The following SDK1 variants were observed in gnomAD, a reference collection of about 807,000 sequenced individuals.
SDK1 encodes the protein protein sidekick-1.
Under a neutral mutation model 245.5 loss-of-function variants are expected in SDK1, and 157 were observed. That is an observed-to-expected ratio of 0.64 (90% CI 0.56 to 0.73). The LOEUF (loss-of-function observed/expected upper bound fraction) is 0.73, where lower values mean the gene tolerates loss of function less well. SDK1 is among the 30% of genes least tolerant of loss of function. The probability of loss-of-function intolerance (pLI) is 0.00; values close to 1 mark genes in which losing one functional copy is unlikely to be tolerated. For synonymous variants in SDK1, 1,647 were observed against 1,278.5 expected, an observed-to-expected ratio of 1.29 and a Z score of -6.15; for missense variants, 3,583 against 3,002.3, an observed-to-expected ratio of 1.19 and a Z score of -4.52.
At chr7:3,612,064 G>A (rs1270993406) in intron 1 of SDK1, among the ~76,000 whole-genome samples, 1 of 152,112 alleles carries the variant, frequency 6.6e-6, no homozygotes, top group East Asian at 1.9e-4. Context: ...GCCTAAGAAT[G>A]ATACAATGGA....
intron 1 of SDK1, among the ~76,000 whole-genome samples, chr7:3,373,087 G>A (rs1019084219): frequency 6.6e-6 from 1 of 152,154 alleles, no homozygotes; most frequent in African/African-American, 2.4e-5. Flanking sequence ...CGGATGTAGT[G>A]TGTTTTACAG....
intron 22 of SDK1, among the ~76,000 whole-genome samples, chr7:4,091,815 G>A (rs192523570): frequency 4.7e-4 from 72 of 152,156 alleles, no homozygotes; most frequent in Non-Finnish European, 7.2e-4. Flanking sequence ...TTACAGCTCC[G>A]TCCAGGGAAA....
intron 4 of SDK1, among the ~76,000 whole-genome samples, chr7:3,795,803 C>T (rs541785114): frequency 1.1e-3 from 168 of 152,276 alleles, no homozygotes; most frequent in African/African-American, 3.9e-3. Flanking sequence ...GGTTTATACC[C>T]ATTTGTATTC....
At chr7:3,682,959 C>G (rs1784156534) in intron 4 of SDK1, among the ~76,000 whole-genome samples, 1 of 152,122 alleles carries the variant, frequency 6.6e-6, no homozygotes, top group Non-Finnish European at 1.5e-5. Context: ...GTCTGGAACT[C>G]CTGACCTCAA....
chr7:4,175,897 T>C, intron 34 of SDK1, 63 bp downstream of exon 34: 1 of 1,481,138 alleles, frequency 6.8e-7, no homozygotes, highest in Admixed American at 1.7e-5. Context: ...CAGAGCCAGC[T>C]GGTCTCTCAG....
intron 17 of SDK1, among the ~76,000 whole-genome samples, chr7:4,021,397 G>A (rs954292931): frequency 2.1e-4 from 32 of 152,286 alleles, no homozygotes; most frequent in African/African-American, 7.2e-4. Flanking sequence ...GGCTATCTGT[G>A]TTGCTTAGGA....
chr7:3,384,789 C>T (rs949317171), intron 1 of SDK1, among the ~76,000 whole-genome samples: 1 of 152,116 alleles, frequency 6.6e-6, no homozygotes, highest in Non-Finnish European at 1.5e-5. Flanking sequence ...ACATTTGAAG[C>T]GTATATGCAC....
intron 22 of SDK1, among the ~76,000 whole-genome samples, chr7:4,089,257 G>T (rs916118897): frequency 6.6e-6 from 1 of 152,214 alleles, no homozygotes; most frequent in Non-Finnish European, 1.5e-5. Context: ...TCTGCACAGG[G>T]TGCTCAGTGC....
rs747433628 is a variant in SDK1 at position 3,642,067 on chromosome 7, G to C, written c.675G>C (p.Trp225Cys). 6.2e-7 allele frequency: 1 copy of C among 1,614,124 alleles called. No homozygotes were observed. Among genetic ancestry groups the C allele is most frequent in the Non-Finnish European group, 8.5e-7 (1 of 1,180,002 alleles). The change falls in exon 4 of 45, where the codon TGG becomes TGC. Residue 225 changes from tryptophan (W) to cysteine (C), a missense_variant. Transcript: ENST00000404826. The stretch of plus-strand genomic sequence containing the variant: ...GCTACCCCAGACCTCAAGTGACTTG[G>C]TTTAGAGAAGGGCACAAGATTATTC... ...ITSYPRPQVT[W>C]FREGHKIIPS...
chr7:3,426,999 C>T (rs7784255), intron 1 of SDK1, among the ~76,000 whole-genome samples: 3 of 152,204 alleles, frequency 2.0e-5, no homozygotes, highest in African/African-American at 7.2e-5. Context: ...ATCATATATT[C>T]TAATTCTTAC....
In SDK1 at chr7:4,055,561, T is replaced by C. The variant is rs891156905; in HGVS notation, c.2911+3731T>C. 1.1e-4 allele frequency among the ~76,000 whole-genome samples: 9 copies of C among 81,776 alleles called. No homozygotes were observed. The African/African-American group carries it at 1.7e-3, about 16-fold the overall frequency. The allele number at this position is 81,776 out of a possible 152,430, so 53.6% of individuals were successfully genotyped here. A position where few individuals can be genotyped will look rare whatever the true frequency, so the allele number is the denominator to read the frequency against. On this transcript the variant is annotated intron_variant, in intron 19 of 44. Coordinates refer to ENST00000404826, the MANE Select transcript of SDK1 (RefSeq NM_152744.4). Reference sequence around the variant, plus strand: ...TTGTTGTTGTTGTTGTTGTTTTTGTTTTTTGTTTTTTTAGAACCAGCCTCT... The same window carrying C: ...TTGTTGTTGTTGTTGTTGTTTTTGTCTTTTGTTTTTTTAGAACCAGCCTCT...
At chr7:3,500,023 G>C (rs1321675225) in intron 1 of SDK1, among the ~76,000 whole-genome samples, 1 of 152,198 alleles carries the variant, frequency 6.6e-6, no homozygotes, top group Admixed American at 6.5e-5. Context: ...ATTAGGACAA[G>C]TAGCCATAGG....
At chr7:3,727,857 G>C (rs1779057231) in intron 4 of SDK1, among the ~76,000 whole-genome samples, 1 of 152,100 alleles carries the variant, frequency 6.6e-6, no homozygotes, top group Non-Finnish European at 1.5e-5. Flanking sequence ...CGTTTATTCA[G>C]ATTTTCCTAG....
At chr7:3,414,112 C>T (rs1355690791) in intron 1 of SDK1, among the ~76,000 whole-genome samples, 1 of 152,032 alleles carries the variant, frequency 6.6e-6, no homozygotes, top group Non-Finnish European at 1.5e-5. Context: ...CATATTTTTG[C>T]AGAGGTGGAA....
chr7:3,816,130 A>G (rs539122976), intron 4 of SDK1, among the ~76,000 whole-genome samples: 1 of 144,124 alleles, frequency 6.9e-6, no homozygotes, highest in African/African-American at 2.6e-5. Context: ...CTAAATGCCC[A>G]CAAGAGAAAG....
intron 6 of SDK1, 33 bp downstream of exon 6, chr7:3,951,067 A>G (rs1460000036): frequency 3.4e-6 from 5 of 1,453,586 alleles, no homozygotes. Context: ...GACTCCTAGT[A>G]AATATTCCAT....
chr7:3,691,040 A>G (rs1292812583), intron 4 of SDK1, among the ~76,000 whole-genome samples: 9 of 152,212 alleles, frequency 5.9e-5, no homozygotes, highest in Non-Finnish European at 1.2e-4. Flanking sequence ...ATTATTTGGA[A>G]GAAAAAATTT....
intron 1 of SDK1, among the ~76,000 whole-genome samples, chr7:3,454,568 A>AT (rs1194330380): frequency 1.1e-4 from 17 of 152,162 alleles, no homozygotes; most frequent in Non-Finnish European, 5.9e-5. Context: ...ATCAGCTGCA[A>AT]TAACACATTT....
At chr7:3,546,140 A>G (rs1779218489) in intron 1 of SDK1, among the ~76,000 whole-genome samples, 1 of 152,212 alleles carries the variant, frequency 6.6e-6, no homozygotes, top group African/African-American at 2.4e-5. Flanking sequence ...CCCCACTCCC[A>G]GAGTGTGCAT....
Sources: allele counts gnomAD v4.1 joint callset (sites outside exome capture counted in the v4.1 genomes callset), GRCh38; gene constraint gnomAD v4.1.1; transcripts MANE v1.5; gene names NCBI Gene and HGNC (gene_info 2026-07-23, HGNC 2026-07-21).